The following MTCL1 variants were observed in gnomAD, a reference collection of about 807,000 sequenced individuals.
MTCL1 encodes the protein microtubule cross-linking factor 1.
MTCL1 carries 79 observed loss-of-function variants against 141.4 expected under a neutral mutation model. That is an observed-to-expected ratio of 0.56 (90% CI 0.47 to 0.67). The LOEUF (loss-of-function observed/expected upper bound fraction) is 0.67. MTCL1 is among the 30% of genes least tolerant of loss of function. The probability of loss-of-function intolerance (pLI) is 0.00; values close to 1 mark genes in which losing one functional copy is unlikely to be tolerated. For missense variants in MTCL1, 2,177 were observed against 2,113.9 expected (o/e 1.03, Z -0.59); for synonymous variants, 914 against 875.8 (o/e 1.04, Z -0.77).
chr18:8,794,587 GC>G (rs1488450964), intron 8 of MTCL1, among the ~76,000 whole-genome samples: 25 of 152,284 alleles, frequency 1.6e-4, no homozygotes, highest in African/African-American at 5.5e-4. Context: ...CCTTCACATT[GC>G]CCCTGAGGCC....
intron 6 of MTCL1, among the ~76,000 whole-genome samples, chr18:8,785,221 C>T (rs764241365): frequency 1.2e-4 from 18 of 152,096 alleles, no homozygotes; most frequent in Non-Finnish European, 2.5e-4. Context: ...CTGAAGAAGC[C>T]GTGAGGAGGC....
intron 5 of MTCL1, among the ~76,000 whole-genome samples, chr18:8,778,893 G>A (rs991761393): frequency 1.3e-5 from 2 of 152,236 alleles, no homozygotes; most frequent in Non-Finnish European, 2.9e-5. Flanking sequence ...ACAGCATGGA[G>A]TTGCATTCGC....
At chr18:8,770,915 C>T (rs2096482857) in intron 4 of MTCL1, among the ~76,000 whole-genome samples, 2 of 152,028 alleles carry the variant, frequency 1.3e-5, no homozygotes, top group South Asian at 4.2e-4. Context: ...AGCAGGCTCC[C>T]CGGAACTATT....
exon 8 of MTCL1, chr18:8,793,030 T>C (rs960570828): frequency 5.6e-6 from 9 of 1,613,836 alleles, no homozygotes. Context: ...CTGAGCAGAG[T>C]GTATCCATAG....
At chr18:8,807,848 A>G (rs951934174) in intron 11 of MTCL1, among the ~76,000 whole-genome samples, 9 of 152,252 alleles carry the variant, frequency 5.9e-5, no homozygotes, top group African/African-American at 2.2e-4. Flanking sequence ...AGGTCTGTGT[A>G]TCCTTGGTAA....
At chr18:8,831,709 C>A in exon 17 of MTCL1, 1 of 1,550,674 alleles carries the variant, frequency 6.4e-7, no homozygotes. Flanking sequence ...CCCACATTCC[C>A]CCACTGCCTC....
At chr18:8,796,553 T>C in intron 9 of MTCL1, 91 bp downstream of exon 8, 1 of 1,227,506 alleles carries the variant, frequency 8.1e-7, no homozygotes, top group Non-Finnish European at 1.1e-6. Context: ...CACACAGTCA[T>C]GTTCTATTAT....
At chr18:8,795,429 T>C (rs1424796196) in intron 8 of MTCL1, among the ~76,000 whole-genome samples, 1 of 152,250 alleles carries the variant, frequency 6.6e-6, no homozygotes, top group Non-Finnish European at 1.5e-5. Flanking sequence ...TATTTATAGA[T>C]GTTATTCTTG....
At chr18:8,714,089 T>A (rs915419297), upstream of MTCL1, among the ~76,000 whole-genome samples, 1 of 152,250 alleles carries the variant, frequency 6.6e-6, no homozygotes, top group African/African-American at 2.4e-5. Flanking sequence ...ACACTGATGG[T>A]GGACTTTTAA....
At position 8,786,411 on chromosome 18, in the gene MTCL1, G is replaced by A. The variant is rs149413249; in HGVS notation, c.1887+320G>A. On this transcript the variant is annotated intron_variant, in intron 7 of 16. Coordinates refer to ENST00000359865, the Ensembl canonical transcript of MTCL1. ...GTGCGCAGTGGCTTCTTGTCCAGTC[G>A]CAGAGAAAGAAGGGATGAAAACCCA... 3.6e-3 allele frequency: 1,994 copies of A among 559,196 alleles called. 4 individuals are homozygous for A. Among genetic ancestry groups the A allele is most frequent in the Non-Finnish European group, 5.1e-3 (1,477 of 291,838 alleles). 34.6% of individuals were successfully genotyped at this position (559,196 alleles called of 1,614,324 possible).
At chr18:8,783,536 A>C in exon 6 of MTCL1, 1 of 1,599,466 alleles carries the variant, frequency 6.3e-7, no homozygotes, top group Non-Finnish European at 8.6e-7. Context: ...GCAGGATGAC[A>C]GTGCCGATTT....
chr18:8,785,741 C>T (rs2096550960), intron 6 of MTCL1, 195 bp from the exon 6 acceptor site: 2 of 660,072 alleles, frequency 3.0e-6, no homozygotes, highest in Admixed American at 3.2e-5. Flanking sequence ...GTTTTCTTCA[C>T]TTTCTTACAC....
intron 13 of MTCL1, among the ~76,000 whole-genome samples, chr18:8,820,987 G>A (rs1444568413): frequency 2.0e-5 from 3 of 152,166 alleles, no homozygotes; most frequent in East Asian, 1.9e-4. Flanking sequence ...CCAAGTGCCC[G>A]AGTCTAAGGA....
At chr18:8,807,912 A>C (rs1011491824) in intron 11 of MTCL1, among the ~76,000 whole-genome samples, 2 of 151,250 alleles carry the variant, frequency 1.3e-5, no homozygotes, top group South Asian at 2.1e-4. Context: ...AAAATTTTGT[A>C]GGGATTGGCC....
intron 5 of MTCL1, among the ~76,000 whole-genome samples, chr18:8,781,779 C>A (rs2096533420): frequency 6.6e-6 from 1 of 152,220 alleles, no homozygotes; most frequent in Admixed American, 6.5e-5. Flanking sequence ...AGCCCAGGTC[C>A]CTTAGACAGT....
chr18:8,768,932 C>A (rs73396441), intron 4 of MTCL1, among the ~76,000 whole-genome samples: 4,577 of 151,850 alleles, frequency 0.03, 207 homozygotes, highest in East Asian at 0.09. Context: ...GCTGGGATTA[C>A]AGGTGTGCAT....
chr18:8,756,491 A>ATGTGTG lies in MTCL1; in HGVS notation c.358-21339_358-21338insGTGTGT, dbSNP rs1567984048. Among the ~76,000 whole-genome samples, 1,423 of 142,474 alleles carry ATGTGTG rather than the reference A, an allele frequency of 1.0e-2. 35 individuals are homozygous for ATGTGTG. The highest frequency in any genetic ancestry group is 0.04 in the African/African-American group (1,350 of 33,556). 93.5% of individuals were successfully genotyped at this position (142,474 alleles called of 152,430 possible). On this transcript the variant is annotated intron_variant, in intron 4 of 16. Coordinates refer to ENST00000359865, the Ensembl canonical transcript of MTCL1. ...TATATGTGTGTATATGTGTGTATATATGTATATATGTGTGTATATATATGT... is the reference window on the plus strand; with the variant it reads ...TATATGTGTGTATATGTGTGTATATATGTGTGTGTATATATGTGTGTATATATATGT...
At chr18:8,816,422 G>A (rs1017412106) in intron 12 of MTCL1, among the ~76,000 whole-genome samples, 3 of 152,164 alleles carry the variant, frequency 2.0e-5, no homozygotes, top group African/African-American at 7.2e-5. Flanking sequence ...CATGTTATGT[G>A]ATGTATGACT....
chr18:8,829,972 C>A, intron 16 of MTCL1: 1 of 985,446 alleles, frequency 1.0e-6, no homozygotes, highest in Non-Finnish European at 1.2e-6. Context: ...CTCTTCAGCA[C>A]CAGCCAGGCG....
Sources: gnomAD v4.1 joint callset for allele counts (sites outside exome capture counted in the v4.1 genomes callset) on GRCh38, gnomAD v4.1.1 for gene constraint, MANE v1.5 for transcripts, NCBI Gene and HGNC (gene_info 2026-07-23, HGNC 2026-07-21) for gene names.